DMTF1: variants seen among roughly 807,000 people sequenced by gnomAD.
DMTF1 encodes the protein cyclin D binding myb like transcription factor 1, also known as cyclin-D-binding Myb-like transcription factor 1.
In DMTF1, 39 loss-of-function variants were observed where a neutral mutation model predicts 91.1. That is an observed-to-expected ratio of 0.43 (90% confidence interval 0.33 to 0.56). DMTF1 has a LOEUF of 0.56. DMTF1 is among the 20% of genes least tolerant of loss of function. The probability of loss-of-function intolerance (pLI) is 0.05; values close to 1 mark genes in which losing one functional copy is unlikely to be tolerated. For missense variants in DMTF1, 750 were observed against 914.5 expected (o/e 0.82, Z 2.32); for synonymous variants, 338 against 309.5 (o/e 1.09, Z -0.97).
chr7:87,169,194 C>T (rs1033046335), intron 4 of DMTF1, among the ~76,000 whole-genome samples: 5 of 152,214 alleles, frequency 3.3e-5, no homozygotes, highest in African/African-American at 9.7e-5. Context: ...CATGGTGGCT[C>T]ATGCCTATAA....
intron 1 of DMTF1, among the ~76,000 whole-genome samples, chr7:87,156,556 A>G (rs1321487615): frequency 6.6e-6 from 1 of 152,154 alleles, no homozygotes; most frequent in African/African-American, 2.4e-5. Context: ...CCATAGTCCA[A>G]AACATTCTTC....
intron 14 of DMTF1, chr7:87,192,439 T>C (rs1562856975): frequency 6.6e-6 from 1 of 152,162 alleles, no homozygotes; most frequent in African/African-American, 2.4e-5. Context: ...CCATGAGAAG[T>C]AGTTACTGTC....
chr7:87,180,822 A>T (rs865843023), intron 8 of DMTF1, among the ~76,000 whole-genome samples: 27 of 149,650 alleles, frequency 1.8e-4, no homozygotes, highest in Non-Finnish European at 2.8e-4. Flanking sequence ...TTTACTGTTT[A>T]AAAAAAAATA....
At chr7:87,178,390 A>G (rs1415804176) in intron 7 of DMTF1, among the ~76,000 whole-genome samples, 1 of 151,740 alleles carries the variant, frequency 6.6e-6, no homozygotes, top group African/African-American at 2.4e-5. Flanking sequence ...CATCTTTTCT[A>G]TTCTTTATAA....
chr7:87,165,088 A>G (rs751033839), intron 3 of DMTF1, 38 bp downstream of exon 3: 2 of 1,466,210 alleles, frequency 1.4e-6, no homozygotes, highest in South Asian at 2.4e-5. Flanking sequence ...TGACTCTCTG[A>G]ATTTATGAAT....
chr7:87,175,024 G>GT (rs1277996073), intron 7 of DMTF1, among the ~76,000 whole-genome samples: 2,674 of 138,128 alleles, frequency 0.019, 55 homozygotes, highest in African/African-American at 0.051. Flanking sequence ...TTTTGTTTTT[G>GT]TTTTTTTTTT....
chr7:87,180,828 A>T (rs1425727470), intron 8 of DMTF1, among the ~76,000 whole-genome samples: 1 of 152,018 alleles, frequency 6.6e-6, no homozygotes, highest in Admixed American at 6.6e-5. Flanking sequence ...GTTTAAAAAA[A>T]AATAAAAATA....
chr7:87,166,401 A>G lies in DMTF1; in HGVS notation c.110-82A>G. ...TGGTAAGAAAATTTTTTTAATAGATAAGAAAATTGTAGAGCCATTGTTAGA... is the reference window on the plus strand; with the variant it reads ...TGGTAAGAAAATTTTTTTAATAGATGAGAAAATTGTAGAGCCATTGTTAGA... On this transcript the variant is annotated intron_variant, in intron 3 of 17. Transcript: ENST00000331242. 7 of 1,434,664 alleles carry G rather than the reference A, an allele frequency of 4.9e-6. No homozygotes were observed. The South Asian group carries it at 7.9e-5, about 16-fold the overall frequency. The allele number at this position is 1,434,664 out of a possible 1,614,324, so 88.9% of individuals were successfully genotyped here.
intron 1 of DMTF1, among the ~76,000 whole-genome samples, chr7:87,160,923 T>TA (rs1175105261): frequency 6.6e-6 from 1 of 152,178 alleles, no homozygotes; most frequent in African/African-American, 2.4e-5. Context: ...AAGAAATCTT[T>TA]AAAAACAATG....
intron 9 of DMTF1, 61 bp from the exon 10 acceptor site, chr7:87,182,167 G>A (rs1797516081): frequency 6.2e-7 from 1 of 1,610,724 alleles, no homozygotes. Context: ...AAGAATAAAT[G>A]ATGAAATTAA....
intron 1 of DMTF1, among the ~76,000 whole-genome samples, chr7:87,158,769 T>A (rs577533357): frequency 6.6e-6 from 1 of 152,234 alleles, no homozygotes; most frequent in South Asian, 2.1e-4. Context: ...ATACTTTTTT[T>A]AGGTCTTCAT....
intron 15 of DMTF1, 122 bp downstream of exon 15, chr7:87,193,475 T>A: frequency 9.8e-7 from 1 of 1,017,470 alleles, no homozygotes; most frequent in Non-Finnish European, 1.5e-6. Context: ...CCAGGCACAG[T>A]GTTATACACC....
Position 87,181,316 on chromosome 7 carries a change from C to T in DMTF1, c.685C>T (p.Pro229Ser). ...DDRNHVGKYT[P>S]EEIEKLKELR... ...ATTTCTCTGAATTTCTAGATATACA[C>T]CTGAAGAAATTGAGAAGCTCAAGGA... Residue 229 changes from proline (P) to serine (S), a missense_variant, in exon 9 of 18, where the codon CCT becomes TCT. Physicochemically the swap from Pro to Ser is moderately conservative, Grantham distance 74. Transcript: ENST00000331242. The T allele has an allele frequency of 2.3e-6, 3 of 1,284,510 alleles. No individual in the cohort carries two copies. Among genetic ancestry groups the T allele is most frequent in the African/African-American group, 3.0e-5 (2 of 67,338 alleles). The allele number at this position is 1,284,510 out of a possible 1,614,324, so 79.6% of individuals were successfully genotyped here.
intron 13 of DMTF1, among the ~76,000 whole-genome samples, 172 bp downstream of exon 13, chr7:87,188,473 G>A (rs924594349): frequency 1.3e-5 from 2 of 152,178 alleles, no homozygotes; most frequent in African/African-American, 2.4e-5. Context: ...CACAATGAAT[G>A]TGTGACAGGA....
At chr7:87,189,152 C>A (rs972857831) in intron 13 of DMTF1, among the ~76,000 whole-genome samples, 2 of 152,110 alleles carry the variant, frequency 1.3e-5, no homozygotes, top group Non-Finnish European at 2.9e-5. Flanking sequence ...ACATGCCAGT[C>A]ATTATGAGAA....
At chr7:87,186,006 T>G in intron 12 of DMTF1, 26 bp downstream of exon 12, 1 of 1,612,860 alleles carries the variant, frequency 6.2e-7, no homozygotes, top group Non-Finnish European at 8.5e-7. Flanking sequence ...CTTTTTAAGC[T>G]CCTCCCCTTT....
chr7:87,154,053 AT>A lies in DMTF1; in HGVS notation c.-132+1499del, dbSNP rs550519562. 3.0e-4 allele frequency among the ~76,000 whole-genome samples: 45 copies of A among 152,312 alleles called. No individual in the cohort carries two copies. In the East Asian group the frequency reaches 8.3e-3, roughly 28 times the overall value. On this transcript the variant is annotated intron_variant, in intron 1 of 17. Transcript: ENST00000331242. ...GACTATGGCGATACACCAAAATCTT[AT>A]CTTTTTGCTCTTATGGTGTACTTAG...
Position 87,188,312 on chromosome 7 carries a change from G to T in DMTF1, c.1411+11G>T. 3 of 1,613,228 alleles carry T rather than the reference G, an allele frequency of 1.9e-6. No individual in the cohort carries two copies. The highest frequency in any genetic ancestry group is 2.5e-6 in the Non-Finnish European group (3 of 1,179,372). ...AGATCACCCATGTTTGTAAGTGTTTGATCTTCAAGATTCCTTGCTGTTTGA... is the reference window on the plus strand; with the variant it reads ...AGATCACCCATGTTTGTAAGTGTTTTATCTTCAAGATTCCTTGCTGTTTGA... On this transcript the variant is annotated intron_variant, in intron 13 of 17. Coordinates refer to ENST00000331242, the MANE Select transcript of DMTF1 (RefSeq NM_001142327.2).
chr7:87,173,696 A>C (rs1239007081), intron 6 of DMTF1, 47 bp downstream of exon 6: 1 of 1,268,782 alleles, frequency 7.9e-7, no homozygotes, highest in Non-Finnish European at 1.1e-6. Flanking sequence ...AAAAATGGAG[A>C]TAGAAAGGGC....
Sources: gnomAD v4.1 joint callset for allele counts (sites outside exome capture counted in the v4.1 genomes callset) on GRCh38, gnomAD v4.1.1 for gene constraint, MANE v1.5 for transcripts, NCBI Gene and HGNC (gene_info 2026-07-23, HGNC 2026-07-21) for gene names.